H2BC21: variants seen among roughly 807,000 people sequenced by gnomAD.
H2BC21 encodes histone H2B type 2-E.
A neutral mutation model predicts 6.2 loss-of-function variants in H2BC21; 2 were observed. The observed-to-expected ratio is 0.32, with a 90% confidence interval of 0.13 to 1.02. The LOEUF (loss-of-function observed/expected upper bound fraction) is 1.02, where lower values mean the gene tolerates loss of function less well. H2BC21 is among the 50% of genes least tolerant of loss of function. H2BC21 has a pLI of 0.47. For synonymous variants in H2BC21, 109 were observed against 75.2 expected (o/e 1.45, Z -2.33); for missense variants, 98 against 172.2 (o/e 0.57, Z 2.41).
At position 149,885,830 on chromosome 1, in the gene H2BC21, G is replaced by A. The variant is rs2092294080; in HGVS notation, c.*430C>T. ...GTCACGCAGTGTTTGCGGAACCCGG[G>A]CTGAATTGTGTCCTGGAGTTCTCTT... is the stretch of plus-strand genomic sequence containing the variant. On this transcript the variant is annotated 3_prime_UTR_variant, in exon 1 of 1. Transcript: ENST00000369155. The A allele has an allele frequency of 7.4e-6, 2 of 271,594 alleles. No individual in the cohort carries two copies. The highest frequency in any genetic ancestry group is 7.2e-6 in the Non-Finnish European group (1 of 138,750). The allele number at this position is 271,594 out of a possible 1,614,324, so 16.8% of individuals were successfully genotyped here.
chr1:149,886,143 C>G lies in H2BC21; in HGVS notation c.*117G>C, dbSNP rs1479118395. 38 of 1,507,392 alleles carry G rather than the reference C, an allele frequency of 2.5e-5. No individual in the cohort carries two copies. In the South Asian group the frequency reaches 4.4e-4, roughly 18 times the overall value. The allele number at this position is 1,507,392 out of a possible 1,614,324, so 93.4% of individuals were successfully genotyped here. A position where few individuals can be genotyped will look rare whatever the true frequency, so the allele number is the denominator to read the frequency against. On this transcript the variant is annotated 3_prime_UTR_variant, in exon 1 of 1. Coordinates refer to ENST00000369155, the MANE Select transcript of H2BC21 (RefSeq NM_003528.3). ...AAATAACTTACTTTATGAAAAGAAA[C>G]TAAGGGAATAAGTGAACAAGCTCTT...
Position 149,886,596 on chromosome 1 carries a change from G to A in H2BC21, c.45C>T (p.Ser15=), listed in dbSNP as rs370228830. 39 of 1,614,002 alleles carry A rather than the reference G, an allele frequency of 2.4e-5. No individual in the cohort carries two copies. Among genetic ancestry groups the A allele is most frequent in the Middle Eastern group, 3.3e-4 (2 of 6,084 alleles). The change falls in exon 1 of 1, where the codon TCC becomes TCT. Residue 15 remains serine (S), a synonymous_variant. Coordinates refer to ENST00000369155, the MANE Select transcript of H2BC21 (RefSeq NM_003528.3). ...AKSAPAPKKG[S]KKAVTKAQKK... The stretch of plus-strand genomic sequence containing the variant: ...TCTGGGCTTTGGTGACGGCTTTCTT[G>A]GAGCCCTTTTTAGGGGCCGGAGCGG...
chr1:149,884,835 G>C lies in H2BC21; in HGVS notation c.*1425C>G, dbSNP rs980210632. The C allele has an allele frequency of 6.6e-6, 1 of 152,206 alleles. No homozygotes were observed. The highest frequency in any genetic ancestry group is 2.4e-5 in the African/African-American group (1 of 41,444). 9.4% of individuals were successfully genotyped at this position (152,206 alleles called of 1,614,324 possible). On this transcript the variant is annotated 3_prime_UTR_variant, in exon 1 of 1. Transcript: ENST00000369155. ...AAAAGGAGATTAACTCTGTAGTCCC[G>C]CCTATATTGCATGGCCTCCAGAAAA...
In H2BC21 at chr1:149,886,114, A is replaced by G. The variant is rs2092296307; in HGVS notation, c.*146T>C. 2 of 1,377,754 alleles carry G rather than the reference A, an allele frequency of 1.5e-6. No individual in the cohort carries two copies. Among genetic ancestry groups the G allele is most frequent in the Admixed American group, 2.6e-5 (1 of 39,202 alleles). The allele number at this position is 1,377,754 out of a possible 1,614,324, so 85.3% of individuals were successfully genotyped here. ...GTATGCCATTTCCCATGACCTTCAC[A>G]CTAAAATAACTTACTTTATGAAAAG... On this transcript the variant is annotated 3_prime_UTR_variant, in exon 1 of 1. Transcript: ENST00000369155.
chr1:149,885,926 G>C lies in H2BC21; in HGVS notation c.*334C>G. 2 of 400,344 alleles carry C rather than the reference G, an allele frequency of 5.0e-6. No homozygotes were observed. The highest frequency in any genetic ancestry group is 8.4e-5 in the Admixed American group (2 of 23,788). 24.8% of individuals were successfully genotyped at this position (400,344 alleles called of 1,614,324 possible). A position where few individuals can be genotyped will look rare whatever the true frequency, so the allele number is the denominator to read the frequency against. On this transcript the variant is annotated 3_prime_UTR_variant, in exon 1 of 1. Transcript: ENST00000369155. ...CCAAGGAGCCACCAGGGCGCGTGTG[G>C]GGCGGGAGTGGGGGCGGGTAAAGAG...
rs1441975541 is a variant in H2BC21 at position 149,886,181 on chromosome 1, G to A, written c.*79C>T. On this transcript the variant is annotated 3_prime_UTR_variant, in exon 1 of 1. Coordinates refer to ENST00000369155, the MANE Select transcript of H2BC21 (RefSeq NM_003528.3). Reference sequence around the variant, plus strand: ...TGAACAAGCTCTTTTCTAGTGATTAGGTGGGTGGCTCTGAAAAGAGCCTTT... The same window carrying A: ...TGAACAAGCTCTTTTCTAGTGATTAAGTGGGTGGCTCTGAAAAGAGCCTTT... The A allele has an allele frequency of 6.2e-7, 1 of 1,606,392 alleles. No homozygotes were observed. Among genetic ancestry groups the A allele is most frequent in the Non-Finnish European group, 8.5e-7 (1 of 1,174,742 alleles).
Position 149,884,616 on chromosome 1 carries a change from A to G in H2BC21, c.*1644T>C, listed in dbSNP as rs1489519411. On this transcript the variant is annotated 3_prime_UTR_variant, in exon 1 of 1. Coordinates refer to ENST00000369155, the MANE Select transcript of H2BC21 (RefSeq NM_003528.3). ...CCATCAGCTCCAAAAGCCCTTAGCCAAAAACAGCTGAATCACTCATCAAAC... is the reference window on the plus strand; with the variant it reads ...CCATCAGCTCCAAAAGCCCTTAGCCGAAAACAGCTGAATCACTCATCAAAC... 6.6e-6 allele frequency: 1 copy of G among 152,248 alleles called. No individual in the cohort carries two copies. The highest frequency in any genetic ancestry group is 6.5e-5 in the Admixed American group (1 of 15,286). The allele number at this position is 152,248 out of a possible 1,614,324, so 9.4% of individuals were successfully genotyped here. A position where few individuals can be genotyped will look rare whatever the true frequency, so the allele number is the denominator to read the frequency against.
rs1281945362 is a variant in H2BC21, at chr1:149,884,651, C to G, written c.*1609G>C. The G allele has an allele frequency of 6.6e-6, 1 of 152,210 alleles. No individual in the cohort carries two copies. The highest frequency in any genetic ancestry group is 1.5e-5 in the Non-Finnish European group (1 of 68,032). The allele number at this position is 152,210 out of a possible 1,614,324, so 9.4% of individuals were successfully genotyped here. ...GAATCACTCATCAAACCATCAGTGT[C>G]TTCCTCGGCAGAATCAAGGGTTGGA... On this transcript the variant is annotated 3_prime_UTR_variant, in exon 1 of 1. Coordinates refer to ENST00000369155, the MANE Select transcript of H2BC21 (RefSeq NM_003528.3).
rs2092296362 is a variant in H2BC21, at chr1:149,886,117, A to G, written c.*143T>C. On this transcript the variant is annotated 3_prime_UTR_variant, in exon 1 of 1. Transcript: ENST00000369155. ...TGCCATTTCCCATGACCTTCACACT[A>G]AAATAACTTACTTTATGAAAAGAAA... 2.1e-6 allele frequency: 3 copies of G among 1,398,682 alleles called. No homozygotes were observed. The highest frequency in any genetic ancestry group is 1.5e-5 in the African/African-American group (1 of 68,542). The allele number at this position is 1,398,682 out of a possible 1,614,324, so 86.6% of individuals were successfully genotyped here. A position where few individuals can be genotyped will look rare whatever the true frequency, so the allele number is the denominator to read the frequency against.
Position 149,886,440 on chromosome 1 carries a change from G to A in H2BC21, c.201C>T (p.Val67=). The A allele has an allele frequency of 6.2e-7, 1 of 1,614,262 alleles. No individual in the cohort carries two copies. Among genetic ancestry groups the A allele is most frequent in the African/African-American group, 1.3e-5 (1 of 75,084 alleles). Residue 67 remains valine (V), a synonymous_variant, in exon 1 of 1, where the codon GTC becomes GTT. Transcript: ENST00000369155. ...CCGCGATGCGCTCGAAGATGTCGTT[G>A]ACGAAGGAGTTCATGATGCCCATGG... ...SKAMGIMNSF[V]NDIFERIAGE... is the part of the protein sequence containing the mutation.
At position 149,885,652 on chromosome 1, in the gene H2BC21, T is replaced by C. The variant is rs1338832284; in HGVS notation, c.*608A>G. On this transcript the variant is annotated 3_prime_UTR_variant, in exon 1 of 1. Transcript: ENST00000369155. ...AGAAAAAGGCGCAGAATTTTGAATATTCTTGTCGCCCAATCAGGACAAGGC... is the reference window on the plus strand; with the variant it reads ...AGAAAAAGGCGCAGAATTTTGAATACTCTTGTCGCCCAATCAGGACAAGGC... 1 of 154,154 alleles carries C rather than the reference T, an allele frequency of 6.5e-6. No individual in the cohort carries two copies. Among genetic ancestry groups the C allele is most frequent in the East Asian group, 1.9e-4 (1 of 5,204 alleles). 9.5% of individuals were successfully genotyped at this position (154,154 alleles called of 1,614,324 possible).
chr1:149,886,481 C>G lies in H2BC21; in HGVS notation c.160G>C (p.Gly54Arg). Residue 54 changes from glycine to arginine, a missense_variant, in exon 1 of 1, where the codon GGC becomes CGC. By Grantham distance (125) the Gly-to-Arg change is moderately radical. Around this residue, in one of 2 missense-constraint regions of H2BC21, gnomAD observed 48 missense variants for 137.8 expected, o/e 0.35. Transcript: ENST00000369155. The stretch of plus-strand genomic sequence containing the variant: ...ATGCCCATGGCCTTGGACGAGATGC[C>G]GGTGTCGGGGTGGACCTGCTTCAGC... Reference protein sequence around the residue: ...KVLKQVHPDTGISSKAMGIMN... With the variant: ...KVLKQVHPDTRISSKAMGIMN... 6.2e-7 allele frequency: 1 copy of G among 1,614,250 alleles called. No homozygotes were observed. Among genetic ancestry groups the G allele is most frequent in the Non-Finnish European group, 8.5e-7 (1 of 1,180,044 alleles).
chr1:149,886,302 G>A lies in H2BC21; in HGVS notation c.339C>T (p.Ser113=), dbSNP rs201793370. Residue 113 remains serine, a synonymous_variant, in exon 1 of 1, where the codon TCC becomes TCT. Coordinates refer to ENST00000369155, the MANE Select transcript of H2BC21 (RefSeq NM_003528.3). ...LPGELAKHAV[S]EGTKAVTKYT... The stretch of plus-strand genomic sequence containing the variant: ...ACTTGGTGACCGCCTTGGTGCCCTC[G>A]GACACGGCGTGCTTGGCCAGCTCGC... The A allele has an allele frequency of 8.1e-6, 13 of 1,614,076 alleles. No homozygotes were observed. The Admixed American group carries it at 1.8e-4, about 23-fold the overall frequency.
Position 149,886,509 on chromosome 1 carries a change from C to T in H2BC21, c.132G>A (p.Lys44=), listed in dbSNP as rs369469320. The stretch of plus-strand genomic sequence containing the variant: ...TGTCGGGGTGGACCTGCTTCAGCAC[C>T]TTGTACACGTAGATGGAGTAGCTCT... ...RKESYSIYVY[K]VLKQVHPDTG... The change falls in exon 1 of 1, where the codon AAG becomes AAA. Residue 44 remains lysine (K), a synonymous_variant. Transcript: ENST00000369155. 1.4e-4 allele frequency: 234 copies of T among 1,614,266 alleles called. No individual in the cohort carries two copies. Among genetic ancestry groups the T allele is most frequent in the Non-Finnish European group, 1.8e-4 (216 of 1,180,054 alleles).
At position 149,884,970 on chromosome 1, in the gene H2BC21, C is replaced by T. The variant is rs1380803572; in HGVS notation, c.*1290G>A. Reference sequence around the variant, plus strand: ...AAAAGGCTCTTTCCAGTGACCAACACGCTGAATTTGATGAAAATCCATAAG... The same window carrying T: ...AAAAGGCTCTTTCCAGTGACCAACATGCTGAATTTGATGAAAATCCATAAG... On this transcript the variant is annotated 3_prime_UTR_variant, in exon 1 of 1. Transcript: ENST00000369155. 6.6e-6 allele frequency: 1 copy of T among 152,582 alleles called. No homozygotes were observed. Among genetic ancestry groups the T allele is most frequent in the Non-Finnish European group, 1.5e-5 (1 of 68,040 alleles). 9.5% of individuals were successfully genotyped at this position (152,582 alleles called of 1,614,324 possible). A position where few individuals can be genotyped will look rare whatever the true frequency, so the allele number is the denominator to read the frequency against.
In H2BC21 at chr1:149,884,873, G is replaced by T. The variant is rs1466349941; in HGVS notation, c.*1387C>A. 6.6e-6 allele frequency: 1 copy of T among 152,228 alleles called. No individual in the cohort carries two copies. The highest frequency in any genetic ancestry group is 1.5e-5 in the Non-Finnish European group (1 of 68,044). The allele number at this position is 152,228 out of a possible 1,614,324, so 9.4% of individuals were successfully genotyped here. A position where few individuals can be genotyped will look rare whatever the true frequency, so the allele number is the denominator to read the frequency against. Reference sequence around the variant, plus strand: ...GGCCTCCAGAAAAGCAAATGAGGTGGTAAGTGTAAATTAAAAGCTCCTCTC... The same window carrying T: ...GGCCTCCAGAAAAGCAAATGAGGTGTTAAGTGTAAATTAAAAGCTCCTCTC... On this transcript the variant is annotated 3_prime_UTR_variant, in exon 1 of 1. Transcript: ENST00000369155.
chr1:149,886,240 C>T lies in H2BC21; in HGVS notation c.*20G>A, dbSNP rs377083472. 6.6e-5 allele frequency: 106 copies of T among 1,613,892 alleles called. No homozygotes were observed. Among genetic ancestry groups the T allele is most frequent in the Non-Finnish European group, 8.6e-5 (101 of 1,179,950 alleles). On this transcript the variant is annotated 3_prime_UTR_variant, in exon 1 of 1. Coordinates refer to ENST00000369155, the MANE Select transcript of H2BC21 (RefSeq NM_003528.3). ...GCAGCCGGCGACTCGAGCGAGCGAG[C>T]GCCAGGTCCCGGCAGGGACTCACTT...
In H2BC21 at chr1:149,886,089, G is replaced by T; in HGVS notation, c.*171C>A. The stretch of plus-strand genomic sequence containing the variant: ...GAGTTCCAAATAGTTAAAAAGCTAC[G>T]TATGCCATTTCCCATGACCTTCACA... On this transcript the variant is annotated 3_prime_UTR_variant, in exon 1 of 1. Transcript: ENST00000369155. The T allele has an allele frequency of 8.7e-7, 1 of 1,143,424 alleles. No homozygotes were observed. Among genetic ancestry groups the T allele is most frequent in the Non-Finnish European group, 1.2e-6 (1 of 817,512 alleles). The allele number at this position is 1,143,424 out of a possible 1,614,324, so 70.8% of individuals were successfully genotyped here. A position where few individuals can be genotyped will look rare whatever the true frequency, so the allele number is the denominator to read the frequency against.
rs1173782059 is a variant in H2BC21, at chr1:149,886,343, G to A, written c.298C>T (p.Arg100Cys). 18 of 1,614,072 alleles carry A rather than the reference G, an allele frequency of 1.1e-5. No homozygotes were observed. Among genetic ancestry groups the A allele is most frequent in the Non-Finnish European group, 1.5e-5 (18 of 1,180,046 alleles). Residue 100 changes from arginine to cysteine, a missense_variant, in exon 1 of 1, where the codon CGC becomes TGC. Transcript: ENST00000369155. ...ITSREIQTAV[R>C]LLLPGELAKH... The stretch of plus-strand genomic sequence containing the variant: ...GCCAGCTCGCCGGGCAGCAGCAGGC[G>A]CACGGCCGTCTGGATCTCGCGGGAT...
Sources: gnomAD v4.1 joint callset for allele counts on GRCh38, gnomAD v4.1.1 for gene constraint, gnomAD v4.1.1 regional missense constraint, MANE v1.5 for transcripts, NCBI Gene and HGNC (gene_info 2026-07-23, HGNC 2026-07-21) for gene names.